Variants in EIF3G observed in about 807,000 individuals in gnomAD.
EIF3G encodes eukaryotic translation initiation factor 3 RNA-binding subunit.
In EIF3G, 10 loss-of-function variants were observed where a neutral mutation model predicts 41.7. The ratio of observed to expected loss-of-function variants is 0.24; its 90% CI spans 0.15 to 0.41. The LOEUF (loss-of-function observed/expected upper bound fraction) is 0.41. EIF3G is among the 10% of genes least tolerant of loss of function. EIF3G has a pLI of 1.00. For synonymous variants in EIF3G, 204 were observed against 172.5 expected, an observed-to-expected ratio of 1.18 and a Z score of -1.43; for missense variants, 297 against 444.0, an observed-to-expected ratio of 0.67 and a Z score of 2.98.
rs2089259325 is a variant in EIF3G at position 10,116,818 on chromosome 19, T to C, written c.577A>G (p.Lys193Glu). Residue 193 changes from lysine (K) to glutamate (E), a missense_variant, in exon 7 of 11, where the codon AAG (lysine) becomes GAG (glutamate). Coordinates refer to ENST00000253108, the MANE Select transcript of EIF3G (RefSeq NM_003755.5). The surrounding 1 kb of genome is among the most constrained non-coding windows in gnomAD (Gnocchi z 4.1). ...AEQLGLSTGE[K>E]EKLPGELEPV... is the part of the protein sequence containing the mutation. The stretch of plus-strand genomic sequence containing the variant: ...CCCACACCTCCCGGCAGCTTCTCCT[T>C]CTCGCCAGTAGACAGGCCCAGCTGC... 1 of 1,594,958 alleles carries C rather than the reference T, an allele frequency of 6.3e-7. No homozygotes were observed. Among genetic ancestry groups the C allele is most frequent in the Non-Finnish European group, 8.6e-7 (1 of 1,168,222 alleles).
chr19:10,118,514 G>C (rs775800812), intron 5 of EIF3G, 154 bp downstream of exon 5: 6 of 794,484 alleles, frequency 7.6e-6, no homozygotes, highest in Middle Eastern at 6.3e-4. Flanking sequence ...GCAGTGAGTC[G>C]AGATCGTGCC....
At chr19:10,118,122 T>G (rs2089274997) in intron 5 of EIF3G, 1 of 152,722 alleles carries the variant, frequency 6.5e-6, no homozygotes, top group African/African-American at 2.4e-5. Flanking sequence ...TTTATTAATA[T>G]AATTTGATAT....
rs1280656260 is a variant in EIF3G at position 10,116,582 on chromosome 19, CAG to C, written c.595+216_595+217del. On this transcript the variant is annotated intron_variant, in intron 7 of 10. Transcript: ENST00000253108. The surrounding 1 kb of genome is among the most constrained non-coding windows in gnomAD (Gnocchi z 4.1). ...AGACAGCAGCTCATCAGGACAGTCA[CAG>C]GGCCACCAGCAAAGTCACAGCTGCC... 2 of 554,998 alleles carry C rather than the reference CAG, an allele frequency of 3.6e-6. No homozygotes were observed. Among genetic ancestry groups the C allele is most frequent in the African/African-American group, 1.9e-5 (1 of 53,314 alleles). 34.4% of individuals were successfully genotyped at this position (554,998 alleles called of 1,614,324 possible).
chr19:10,116,430 ACT>A lies in EIF3G; in HGVS notation c.596-358_596-357del, dbSNP rs1202561372. 3.1e-5 allele frequency: 15 copies of A among 482,626 alleles called. No individual in the cohort carries two copies. Among genetic ancestry groups the A allele is most frequent in the Non-Finnish European group, 4.9e-5 (13 of 267,678 alleles). 29.9% of individuals were successfully genotyped at this position (482,626 alleles called of 1,614,324 possible). On this transcript the variant is annotated intron_variant, in intron 7 of 10. Coordinates refer to ENST00000253108, the MANE Select transcript of EIF3G (RefSeq NM_003755.5). The surrounding 1 kb of genome is among the most constrained non-coding windows in gnomAD (Gnocchi z 4.1). Reference sequence around the variant, plus strand: ...TGGCAGGCGACAAGTGCACGTCTGCACTCTCACACTCGCCACCAGCAAATCCC... The same window carrying A: ...TGGCAGGCGACAAGTGCACGTCTGCACTCACACTCGCCACCAGCAAATCCC...
chr19:10,115,358 G>A (rs2089223764), intron 10 of EIF3G, 121 bp downstream of exon 10: 2 of 1,240,138 alleles, frequency 1.6e-6, no homozygotes, highest in East Asian at 2.4e-5. Context: ...ATAAAGGACT[G>A]TCCCCTCAAA....
In EIF3G at chr19:10,116,882, G is replaced by C; in HGVS notation, c.513C>G (p.Tyr171Ter). ...KGDHWTTRCP[Y>*]KDTLGPMQKE... is the part of the protein sequence containing the mutation. Reference sequence around the variant, plus strand: ...TCTGCATGGGCCCCAGCGTATCCTTGTAGGGGCAGCGGGTGGTCCAGTGGT... The same window carrying C: ...TCTGCATGGGCCCCAGCGTATCCTTCTAGGGGCAGCGGGTGGTCCAGTGGT... The change falls in exon 7 of 11, where the codon TAC (tyrosine) becomes TAG (stop). Residue 171 changes from tyrosine (Y) to a stop codon, truncating the protein, a stop_gained. Transcript: ENST00000253108. LOFTEE classifies it high-confidence loss of function. This position sits in a 1 kb window ranked among gnomAD's most constrained non-coding sequence, Gnocchi z 4.1. The C allele has an allele frequency of 6.2e-7, 1 of 1,613,926 alleles. No individual in the cohort carries two copies. The highest frequency in any genetic ancestry group is 8.5e-7 in the Non-Finnish European group (1 of 1,179,892).
intron 2 of EIF3G, 31 bp from the exon 3 acceptor site, chr19:10,119,202 A>G: frequency 6.4e-7 from 1 of 1,555,742 alleles, no homozygotes; most frequent in Non-Finnish European, 8.7e-7. Flanking sequence ...AGGAGGAGTC[A>G]GCTCCAGGGG....
At position 10,115,248 on chromosome 19, in the gene EIF3G, G is replaced by A. The variant is rs944044938; in HGVS notation, c.948-119C>T. 4.4e-6 allele frequency: 6 copies of A among 1,356,398 alleles called. No homozygotes were observed. In the African/African-American group the frequency reaches 7.2e-5, roughly 16 times the overall value. The allele number at this position is 1,356,398 out of a possible 1,614,324, so 84.0% of individuals were successfully genotyped here. On this transcript the variant is annotated intron_variant, in intron 10 of 10. Transcript: ENST00000253108. ...ACGGGGTAATGTGAGGACGAAGCGG[G>A]CACGGAGCCAGATGGCCAGTCTCCA...
rs377096495 is a variant in EIF3G, at chr19:10,119,792, G to A, written c.20+48C>T. 6 of 1,614,066 alleles carry A rather than the reference G, an allele frequency of 3.7e-6. No homozygotes were observed. In the African/African-American group the frequency reaches 8.0e-5, roughly 22 times the overall value. ...TACCCAGGCCCCATAATACTTCCCAGAGCACCCCAACCGCTTCCCGTGCCC... is the reference window on the plus strand; with the variant it reads ...TACCCAGGCCCCATAATACTTCCCAAAGCACCCCAACCGCTTCCCGTGCCC... On this transcript the variant is annotated intron_variant, in intron 1 of 10. Coordinates refer to ENST00000253108, the MANE Select transcript of EIF3G (RefSeq NM_003755.5).
At chr19:10,119,391 A>C (rs1265917694) in intron 2 of EIF3G, 1 of 751,708 alleles carries the variant, frequency 1.3e-6, no homozygotes, top group Non-Finnish European at 2.3e-6. Flanking sequence ...CCATGAAGCC[A>C]ACCAGGCGCC....
intron 10 of EIF3G, 74 bp downstream of exon 10, chr19:10,115,405 T>C (rs1444228142): frequency 6.8e-7 from 1 of 1,481,170 alleles, no homozygotes; most frequent in Non-Finnish European, 9.2e-7. Flanking sequence ...TCAGGGCTAT[T>C]GGTTGGCCCA....
At chr19:10,118,766 C>G in intron 4 of EIF3G, 39 bp from the exon 5 acceptor site, 1 of 1,612,446 alleles carries the variant, frequency 6.2e-7, no homozygotes, top group Non-Finnish European at 8.5e-7. Context: ...CTCCTGGGAC[C>G]AAGGGATCTC....
In EIF3G at chr19:10,119,893, G is replaced by C. The variant is rs773803183; in HGVS notation, c.-34C>G. 33 of 1,614,062 alleles carry C rather than the reference G, an allele frequency of 2.0e-5. No homozygotes were observed. In the South Asian group the frequency reaches 3.1e-4, roughly 15 times the overall value. On this transcript the variant is annotated 5_prime_UTR_variant, in exon 1 of 11. Transcript: ENST00000253108. ...GTATTCTCCACGCAGCCCAAGCCCG[G>C]CCAGAGAGCGGAAGCGGGCGAAAAC... is the stretch of plus-strand genomic sequence containing the variant.
chr19:10,116,502 A>G lies in EIF3G; in HGVS notation c.595+298T>C, dbSNP rs887929574. The stretch of plus-strand genomic sequence containing the variant: ...ACAGCCACAGGCATGCAACGGAGAC[A>G]CTATACACACAGTGCGCACACACGA... On this transcript the variant is annotated intron_variant, in intron 7 of 10. Transcript: ENST00000253108. This position sits in a 1 kb window ranked among gnomAD's most constrained non-coding sequence, Gnocchi z 4.1. 4.0e-6 allele frequency: 2 copies of G among 497,110 alleles called. No individual in the cohort carries two copies. The highest frequency in any genetic ancestry group is 2.8e-5 in the South Asian group (1 of 35,608). The allele number at this position is 497,110 out of a possible 1,614,324, so 30.8% of individuals were successfully genotyped here. A position where few individuals can be genotyped will look rare whatever the true frequency, so the allele number is the denominator to read the frequency against.
Position 10,116,316 on chromosome 19 carries a change from C to T in EIF3G, c.596-242G>A, listed in dbSNP as rs2089249045. On this transcript the variant is annotated intron_variant, in intron 7 of 10. Transcript: ENST00000253108. The surrounding 1 kb of genome is among the most constrained non-coding windows in gnomAD (Gnocchi z 4.1). Reference sequence around the variant, plus strand: ...AGCCCCGACCCCACCCCAGAGAGGGCGGGAGGACAACAGGGGCAGCAGCCT... The same window carrying T: ...AGCCCCGACCCCACCCCAGAGAGGGTGGGAGGACAACAGGGGCAGCAGCCT... 1.6e-5 allele frequency: 9 copies of T among 575,316 alleles called. No individual in the cohort carries two copies. The highest frequency in any genetic ancestry group is 2.5e-5 in the Non-Finnish European group (8 of 321,976). The allele number at this position is 575,316 out of a possible 1,614,324, so 35.6% of individuals were successfully genotyped here.
Position 10,115,505 on chromosome 19 carries a change from G to A in EIF3G, c.921C>T (p.His307=). 1.9e-6 allele frequency: 3 copies of A among 1,613,120 alleles called. No homozygotes were observed. The highest frequency in any genetic ancestry group is 2.5e-6 in the Non-Finnish European group (3 of 1,179,382). Residue 307 remains histidine, a synonymous_variant, in exon 10 of 11, where the codon CAC becomes CAT. Transcript: ENST00000253108. ...TGGCCCACTCGACGTTGAGGATGAG[G>A]TGGTCGTAGCCAAAGCCGGACACCC... ...IAGVSGFGYD[H]LILNVEWAKP...
At position 10,117,189 on chromosome 19, in the gene EIF3G, CTGGGCTCAGGGAGGGA is replaced by C; in HGVS notation, c.301-17_301-2del. The C allele has an allele frequency of 6.2e-7, 1 of 1,605,842 alleles. No individual in the cohort carries two copies. Among genetic ancestry groups the C allele is most frequent in the Admixed American group, 1.7e-5 (1 of 58,992 alleles). ...CTGAGTTCCCGAACTTCTTCCAGTT[CTGGGCTCAGGGAGGGA>C]TGGGGGACAGTTGAGGGCAGGGGCA... On this transcript the variant is annotated splice_acceptor_variant and splice_polypyrimidine_tract_variant and intron_variant, in intron 5 of 10. Coordinates refer to ENST00000253108, the MANE Select transcript of EIF3G (RefSeq NM_003755.5). LOFTEE classifies it high-confidence loss of function.
Position 10,116,972 on chromosome 19 carries a change from C to T in EIF3G, c.423G>A (p.Glu141=). Residue 141 remains glutamate (E), a synonymous_variant, in exon 7 of 11, where the codon GAG becomes GAA. Coordinates refer to ENST00000253108, the MANE Select transcript of EIF3G (RefSeq NM_003755.5). The surrounding 1 kb of genome is among the most constrained non-coding windows in gnomAD (Gnocchi z 4.1). ...ITSKEDLNCQ[E]EEDPMNKLKG... ...TGAGTTTGTTCATAGGGTCCTCCTC[C>T]TCCTGGCAGTTCAGGTCCTGGCAGG... The T allele has an allele frequency of 6.2e-7, 1 of 1,611,624 alleles. No individual in the cohort carries two copies. The highest frequency in any genetic ancestry group is 8.5e-7 in the Non-Finnish European group (1 of 1,178,350).
intron 2 of EIF3G, chr19:10,119,452 A>C (rs2089287437): frequency 1.3e-6 from 1 of 765,920 alleles, no homozygotes; most frequent in Admixed American, 2.0e-5. Context: ...GGAGGGGAAC[A>C]GCTGGGAGGC....
Sources: allele counts gnomAD v4.1 joint callset, GRCh38; gene constraint gnomAD v4.1.1; non-coding constraint Gnocchi (gnomAD v3.1); transcripts MANE v1.5; gene names NCBI Gene and HGNC (gene_info 2026-07-23, HGNC 2026-07-21).